The following ENOX2 variants were observed in gnomAD, a reference collection of about 807,000 sequenced individuals.
The protein encoded by ENOX2 is APK1 antigen.
In ENOX2, 36 loss-of-function variants were observed where a neutral mutation model predicts 45.0. The observed-to-expected ratio is 0.80, with a 90% CI of 0.61 to 1.06. The LOEUF (loss-of-function observed/expected upper bound fraction) is 1.06, where lower values mean the gene tolerates loss of function less well. Ranked by LOEUF, ENOX2 falls within the 50% of genes least tolerant of loss-of-function variation. The pLI, the probability that ENOX2 is intolerant of heterozygous loss-of-function variation, is 0.00. For missense variants in ENOX2, 423 were observed against 462.5 expected, an observed-to-expected ratio of 0.91 and a Z score of 0.78; for synonymous variants, 174 against 152.3, an observed-to-expected ratio of 1.14 and a Z score of -1.05.
chrX:130,848,698 TAGA>T (rs746398617), intron 2 of ENOX2, among the ~76,000 whole-genome samples: 2 of 111,590 alleles, frequency 1.8e-5, no homozygotes, highest in South Asian at 7.5e-4. Context: ...AAATTGGTCC[TAGA>T]AGATGTGTCT....
Position 130,679,522 on chromosome X carries a change from C to T in ENOX2, c.460+20G>A, listed in dbSNP as rs1356194822. 2.6e-6 allele frequency: 3 copies of T among 1,158,642 alleles called. No individual in the cohort carries two copies. Among genetic ancestry groups the T allele is most frequent in the Non-Finnish European group, 1.2e-6 (1 of 848,587 alleles). On this transcript the variant is annotated intron_variant, in intron 6 of 14. Transcript: ENST00000394363. The stretch of plus-strand genomic sequence containing the variant: ...CTGCGTTGTGCCTGGTGGGCACAAT[C>T]CTCACATCTAAACACCTACCAGACA...
At chrX:130,840,504 A>G (rs2077996438) in intron 2 of ENOX2, among the ~76,000 whole-genome samples, 1 of 107,158 alleles carries the variant, frequency 9.3e-6, no homozygotes, top group Non-Finnish European at 1.9e-5. Context: ...TTATAATACA[A>G]GATTTTCTCT....
intron 3 of ENOX2, among the ~76,000 whole-genome samples, chrX:130,720,278 A>T (rs1246696307): frequency 1.8e-5 from 2 of 112,448 alleles, no homozygotes; most frequent in African/African-American, 6.5e-5. Flanking sequence ...GCAGGTCGAT[A>T]TTGATGGGCT....
chrX:130,891,138 C>A (rs2078976202), intron 2 of ENOX2, among the ~76,000 whole-genome samples: 1 of 110,928 alleles, frequency 9.0e-6, no homozygotes, highest in Admixed American at 9.6e-5. Flanking sequence ...CTCAGGAGTT[C>A]AAGACCAGCC....
At chrX:130,759,723 T>C (rs1287181404) in intron 3 of ENOX2, among the ~76,000 whole-genome samples, 1 of 110,493 alleles carries the variant, frequency 9.1e-6, no homozygotes, top group Non-Finnish European at 1.9e-5. Flanking sequence ...CAAAATTTAA[T>C]ATTGTGTAGA....
intron 6 of ENOX2, among the ~76,000 whole-genome samples, chrX:130,674,016 C>T (rs1369671218): frequency 2.7e-5 from 3 of 111,963 alleles, no homozygotes; most frequent in African/African-American, 9.8e-5. Flanking sequence ...AATGTAAATG[C>T]AGGCTATTAT....
At chrX:130,701,347 A>AATATAAAACAATATATATTTCATATAAAT (rs1469176430) in intron 4 of ENOX2, among the ~76,000 whole-genome samples, 6 of 110,705 alleles carry the variant, frequency 5.4e-5, no homozygotes, top group African/African-American at 9.8e-5. Context: ...AGTTTAAAAC[A>AATATAAAACAATATATATTTCATATAAAT]ATATAAAACA....
chrX:130,682,880 G>C (rs149261976), intron 5 of ENOX2, among the ~76,000 whole-genome samples: 1 of 111,240 alleles, frequency 9.0e-6, no homozygotes, highest in Non-Finnish European at 1.9e-5. Flanking sequence ...GCACTTTGTC[G>C]TCTGGGCCTG....
chrX:130,765,874 T>G (rs1039745885), intron 3 of ENOX2, among the ~76,000 whole-genome samples: 2 of 111,744 alleles, frequency 1.8e-5, no homozygotes, highest in Non-Finnish European at 3.8e-5. Context: ...ATTTCTGGGC[T>G]TTTTATTATT....
At chrX:130,768,240 C>T (rs1251539168) in intron 3 of ENOX2, among the ~76,000 whole-genome samples, 1 of 111,832 alleles carries the variant, frequency 8.9e-6, no homozygotes, top group Non-Finnish European at 1.9e-5. Context: ...AGTTCTGATA[C>T]TGAACTGCTG....
At chrX:130,724,594 G>A (rs1342655734) in intron 3 of ENOX2, among the ~76,000 whole-genome samples, 1 of 112,482 alleles carries the variant, frequency 8.9e-6, no homozygotes, top group South Asian at 3.7e-4. Context: ...TGTTTCTGGG[G>A]TATTTCCTTG....
chrX:130,780,879 C>G (rs2039955060), intron 3 of ENOX2, among the ~76,000 whole-genome samples: 1 of 110,291 alleles, frequency 9.1e-6, no homozygotes, highest in Non-Finnish European at 1.9e-5. Flanking sequence ...AGTTACAGGG[C>G]CGAGTGATGC....
chrX:130,773,395 A>T (rs955037926), intron 3 of ENOX2, among the ~76,000 whole-genome samples: 1 of 111,726 alleles, frequency 9.0e-6, no homozygotes, highest in African/African-American at 3.3e-5. Context: ...GCCTGGAAAA[A>T]TTTCCTATGT....
intron 3 of ENOX2, among the ~76,000 whole-genome samples, chrX:130,746,880 A>G (rs1354853482): frequency 8.9e-6 from 1 of 112,521 alleles, no homozygotes; most frequent in Non-Finnish European, 1.9e-5. Context: ...TCTCTCCATC[A>G]TAACAGGACA....
At chrX:130,697,745 C>G (rs187305213) in intron 4 of ENOX2, among the ~76,000 whole-genome samples, 1 of 112,065 alleles carries the variant, frequency 8.9e-6, no homozygotes, top group East Asian at 2.8e-4. Flanking sequence ...TGACTCAGTT[C>G]TTTCTCCTAA....
chrX:130,687,769 T>G (rs985802268), intron 5 of ENOX2, among the ~76,000 whole-genome samples: 1 of 108,432 alleles, frequency 9.2e-6, no homozygotes, highest in Non-Finnish European at 1.9e-5. Context: ...TAAAGATCTG[T>G]TTTTTTTTTC....
chrX:130,836,807 CCAAAGAAAGG>C (rs751378206), intron 2 of ENOX2, among the ~76,000 whole-genome samples: 165 of 111,640 alleles, frequency 1.5e-3, no homozygotes, highest in African/African-American at 5.0e-3. Context: ...ATAAAGGTAG[CCAAAGAAAGG>C]CAAAGAAAGG....
At chrX:130,801,587 G>A (rs1343389322) in intron 2 of ENOX2, among the ~76,000 whole-genome samples, 1 of 111,664 alleles carries the variant, frequency 9.0e-6, no homozygotes, top group African/African-American at 3.3e-5. Flanking sequence ...TCATAATACC[G>A]TAATTCATTT....
rs151144078 is a variant in ENOX2, at chrX:130,709,307, T to C, written c.-38-6053A>G. 91 of 1,186,335 alleles carry C rather than the reference T, an allele frequency of 7.7e-5. 1 individual carries two copies. The African/African-American group carries it at 1.3e-3, about 17-fold the overall frequency. ...CTCTTTGCATTGTGTGGTCCTCAACTGTGAACTTAGCTCTGTCATCATTTC... is the reference window on the plus strand; with the variant it reads ...CTCTTTGCATTGTGTGGTCCTCAACCGTGAACTTAGCTCTGTCATCATTTC... On this transcript the variant is annotated intron_variant, in intron 3 of 14. Transcript: ENST00000394363.
Sources: gnomAD v4.1 joint callset for allele counts (sites outside exome capture counted in the v4.1 genomes callset) on GRCh38, gnomAD v4.1.1 for gene constraint, MANE v1.5 for transcripts, NCBI Gene and HGNC (gene_info 2026-07-23, HGNC 2026-07-21) for gene names.